Variants in NLGN4X observed in about 807,000 individuals in gnomAD.
The protein encoded by NLGN4X is neuroligin-4, X-linked.
NLGN4X carries 3 observed loss-of-function variants against 40.3 expected under a neutral mutation model. The ratio of observed to expected loss-of-function variants is 0.07; its 90% CI spans 0.03 to 0.19. NLGN4X has a LOEUF of 0.19. Ranked by LOEUF, NLGN4X falls within the 10% of genes least tolerant of loss-of-function variation. The probability of loss-of-function intolerance (pLI) is 1.00; values close to 1 mark genes in which losing one functional copy is unlikely to be tolerated. For synonymous variants in NLGN4X, 270 were observed against 306.8 expected (o/e 0.88, Z 1.25); for missense variants, 382 against 708.3 (o/e 0.54, Z 5.23).
intron 2 of NLGN4X, among the ~76,000 whole-genome samples, chrX:6,066,802 A>T (rs1167371309): frequency 1.8e-5 from 2 of 110,743 alleles, no homozygotes; most frequent in Non-Finnish European, 3.8e-5. Context: ...AAACAAACAA[A>T]CAAAAACAAT....
intron 4 of NLGN4X, among the ~76,000 whole-genome samples, chrX:5,907,600 G>A (rs1161144938): frequency 9.0e-6 from 1 of 111,514 alleles, no homozygotes; most frequent in Non-Finnish European, 1.9e-5. Flanking sequence ...ATGCACATGT[G>A]TTTTTGTGGT....
intron 3 of NLGN4X, among the ~76,000 whole-genome samples, chrX:5,937,848 T>C (rs1183937090): frequency 8.9e-6 from 1 of 112,245 alleles, no homozygotes; most frequent in Non-Finnish European, 1.9e-5. Context: ...ACAGAGATTA[T>C]GGATGAAAGT....
chrX:6,029,450 G>C lies in NLGN4X; in HGVS notation c.473-18C>G. The C allele has an allele frequency of 1.7e-6, 2 of 1,201,531 alleles. No homozygotes were observed. Among genetic ancestry groups the C allele is most frequent in the Non-Finnish European group, 2.3e-6 (2 of 887,147 alleles). ...ATGAATATCTGGAAAAAAAAGCCAA[G>C]TAAGGAAACACAATAAAGAATCACA... On this transcript the variant is annotated intron_variant, in intron 2 of 5. Transcript: ENST00000381095.
In NLGN4X at chrX:6,211,591, T is replaced by C. The variant is rs1034028055; in HGVS notation, c.-306+16950A>G. Among the ~76,000 whole-genome samples, 17 of 111,663 alleles carry C rather than the reference T, an allele frequency of 1.5e-4. No individual in the cohort carries two copies. The Admixed American group carries it at 1.5e-3, about 10-fold the overall frequency. ...ATATCGGTAAAGATATGTGTACAGA[T>C]ACAAAAATAGATATGATTAAGATAT... On this transcript the variant is annotated intron_variant, in intron 1 of 5. Coordinates refer to ENST00000381095, the MANE Select transcript of NLGN4X (RefSeq NM_181332.3).
intron 2 of NLGN4X, chrX:6,032,838 C>T: frequency 7.6e-6 from 4 of 523,863 alleles, no homozygotes; most frequent in South Asian, 4.9e-5. Flanking sequence ...GAGAGAGATG[C>T]TACCCAGAAA....
rs138165114 is a variant in NLGN4X at position 5,968,357 on chromosome X, A to G, written c.626-59118T>C. ...GTGGATGTGGCTTTGTGTATTTTCAATTTGCCTGTGTGTTCTGGTACTTTT... is the reference window on the plus strand; with the variant it reads ...GTGGATGTGGCTTTGTGTATTTTCAGTTTGCCTGTGTGTTCTGGTACTTTT... On this transcript the variant is annotated intron_variant, in intron 3 of 5. Transcript: ENST00000381095. Among the ~76,000 whole-genome samples, 9 of 93,400 alleles carry G rather than the reference A, an allele frequency of 9.6e-5. No homozygotes were observed. The East Asian group carries it at 3.0e-3, about 32-fold the overall frequency. 81.1% of individuals were successfully genotyped at this position (93,400 alleles called of 115,157 possible). A position where few individuals can be genotyped will look rare whatever the true frequency, so the allele number is the denominator to read the frequency against.
chrX:6,158,683 C>T (rs977362286), intron 1 of NLGN4X, among the ~76,000 whole-genome samples: 3 of 111,701 alleles, frequency 2.7e-5, no homozygotes, highest in Non-Finnish European at 5.6e-5. Flanking sequence ...GCAGGATGTG[C>T]AGGTTTGTGA....
intron 1 of NLGN4X, among the ~76,000 whole-genome samples, chrX:6,179,612 T>G (rs953217125): frequency 3.6e-5 from 4 of 112,381 alleles, no homozygotes; most frequent in African/African-American, 1.3e-4. Context: ...GAGTGTGTGC[T>G]GACTGTGATG....
chrX:6,077,498 AG>A (rs2038238126), intron 2 of NLGN4X, among the ~76,000 whole-genome samples: 1 of 110,332 alleles, frequency 9.1e-6, no homozygotes, highest in East Asian at 2.9e-4. Context: ...TATGTTGCCC[AG>A]GCTGGTCTCG....
chrX:6,184,751 T>C (rs1921845711), intron 1 of NLGN4X, among the ~76,000 whole-genome samples: 1 of 112,471 alleles, frequency 8.9e-6, no homozygotes, highest in Non-Finnish European at 1.9e-5. Flanking sequence ...GAGCCCAAGA[T>C]AACTTCATCT....
intron 3 of NLGN4X, among the ~76,000 whole-genome samples, chrX:6,026,724 C>A (rs182486269): frequency 9.0e-6 from 1 of 111,582 alleles, no homozygotes; most frequent in Non-Finnish European, 1.9e-5. Context: ...CATAGAGATG[C>A]TAAATCGCTT....
At chrX:6,192,951 T>G (rs1602398673) in intron 1 of NLGN4X, among the ~76,000 whole-genome samples, 3 of 111,722 alleles carry the variant, frequency 2.7e-5, no homozygotes, top group Non-Finnish European at 5.6e-5. Context: ...AACCCTCTGG[T>G]CTGAGCTCCA....
intron 3 of NLGN4X, among the ~76,000 whole-genome samples, chrX:5,918,833 G>A (rs1043706448): frequency 1.5e-4 from 17 of 111,993 alleles, no homozygotes; most frequent in African/African-American, 4.5e-4. Flanking sequence ...ATGGTGGCTC[G>A]ATTTTGAGAC....
chrX:6,068,863 T>C (rs980669532), intron 2 of NLGN4X, among the ~76,000 whole-genome samples: 1 of 112,286 alleles, frequency 8.9e-6, no homozygotes, highest in Non-Finnish European at 1.9e-5. Flanking sequence ...TCAAATTACA[T>C]AGTTCTCTAT....
chrX:6,185,453 CCACAGCATGCCAGGTGTGGCAGAG>C (rs1032222323), intron 1 of NLGN4X, among the ~76,000 whole-genome samples: 1 of 111,885 alleles, frequency 8.9e-6, no homozygotes, highest in African/African-American at 3.3e-5. Context: ...TACTACAGGT[CCACAGCATGCCAGGTGTGGCAGAG>C]AACAACATGC....
intron 2 of NLGN4X, among the ~76,000 whole-genome samples, chrX:6,133,961 T>C (rs2147632361): frequency 9.0e-6 from 1 of 111,654 alleles, no homozygotes; most frequent in South Asian, 3.8e-4. Flanking sequence ...ACATAGACAA[T>C]ACATAAATAA....
At chrX:6,134,690 A>G (rs1275258788) in intron 2 of NLGN4X, among the ~76,000 whole-genome samples, 1 of 112,446 alleles carries the variant, frequency 8.9e-6, no homozygotes, top group East Asian at 2.8e-4. Flanking sequence ...CAAACAATCC[A>G]ATGACACTTA....
At chrX:6,127,076 T>A in intron 2 of NLGN4X, among the ~76,000 whole-genome samples, 1 of 111,320 alleles carries the variant, frequency 9.0e-6, no homozygotes, top group East Asian at 2.8e-4. Context: ...TCTTGCCTTC[T>A]GGCTGCTCCT....
At chrX:5,982,761 G>A (rs768614610) in intron 3 of NLGN4X, among the ~76,000 whole-genome samples, 12 of 112,153 alleles carry the variant, frequency 1.1e-4, no homozygotes, top group African/African-American at 3.9e-4. Context: ...GGGAGGGTGA[G>A]GTGGGAGGAA....
Sources: allele counts gnomAD v4.1 joint callset (sites outside exome capture counted in the v4.1 genomes callset), GRCh38; gene constraint gnomAD v4.1.1; transcripts MANE v1.5; gene names NCBI Gene and HGNC (gene_info 2026-07-23, HGNC 2026-07-21).